TMEM67: variants seen among roughly 807,000 people sequenced by gnomAD.
The protein encoded by TMEM67 is transmembrane protein 67, also known as meckelin.
In TMEM67, 124 loss-of-function variants were observed where a neutral mutation model predicts 136.6. The ratio of observed to expected loss-of-function variants is 0.91; its 90% CI spans 0.78 to 1.05. TMEM67 has a LOEUF of 1.05. TMEM67 is among the 50% of genes least tolerant of loss of function. TMEM67 has a pLI of 0.00. For synonymous variants in TMEM67, 364 were observed against 390.5 expected, an observed-to-expected ratio of 0.93 and a Z score of 0.80; for missense variants, 1,107 against 1,178.4, an observed-to-expected ratio of 0.94 and a Z score of 0.89.
intron 10 of TMEM67, 121 bp from the exon 11 acceptor site, chr8:93,782,274 T>C: frequency 2.6e-6 from 2 of 756,522 alleles, no homozygotes; most frequent in Non-Finnish European, 4.5e-6. Context: ...TAACTTTTCA[T>C]ATCCTTGATA....
chr8:93,829,665 G>T, the TMEM67 span, among the ~76,000 whole-genome samples: 1 of 151,856 alleles, frequency 6.6e-6, no homozygotes, highest in African/African-American at 2.4e-5. Context: ...CTGAGAATTC[G>T]GGAGGCCCCA....
chr8:93,799,874 G>T, intron 21 of TMEM67, 116 bp downstream of exon 21: 1 of 846,530 alleles, frequency 1.2e-6, no homozygotes. Context: ...GCAGAAAGAA[G>T]GTGACAAGAA....
At chr8:93,826,205 T>C in the TMEM67 span, among the ~76,000 whole-genome samples, 5 of 136,300 alleles carry the variant, frequency 3.7e-5, no homozygotes, top group African/African-American at 1.1e-4. Flanking sequence ...TCTCGGCTCA[T>C]TGCAAGCTCC....
chr8:93,831,199 A>G, the TMEM67 span, among the ~76,000 whole-genome samples: 4 of 152,242 alleles, frequency 2.6e-5, no homozygotes, highest in African/African-American at 7.2e-5. Flanking sequence ...TGAGTGGACC[A>G]GGCCTTTCTT....
intron 26 of TMEM67, among the ~76,000 whole-genome samples, chr8:93,810,125 C>T (rs546153911): frequency 6.6e-5 from 10 of 150,732 alleles, no homozygotes; most frequent in East Asian, 2.0e-4. Context: ...CCCGCCATCA[C>T]GCCCAGCTAA....
chr8:93,781,856 A>T, intron 10 of TMEM67, 112 bp downstream of exon 10: 1 of 536,966 alleles, frequency 1.9e-6, no homozygotes, highest in Non-Finnish European at 3.2e-6. Flanking sequence ...ACTACAGTTG[A>T]TTTTTTTTCT....
chr8:93,763,096 A>AT (rs60721040), intron 3 of TMEM67: 1,017 of 218,584 alleles, frequency 4.7e-3, no homozygotes, highest in South Asian at 0.011. Context: ...CTAATTTTGT[A>AT]TTTTTTTTTT....
At chr8:93,756,155 A>T (rs1812563678) in intron 2 of TMEM67, 2 of 306,854 alleles carry the variant, frequency 6.5e-6, no homozygotes, top group African/African-American at 4.4e-5. Context: ...AGAAAATTAG[A>T]TGAATAAGGC....
intron 2 of TMEM67, among the ~76,000 whole-genome samples, chr8:93,757,423 G>A (rs1363116644): frequency 1.3e-5 from 2 of 151,866 alleles, no homozygotes; most frequent in African/African-American, 4.8e-5. Flanking sequence ...GGATCACGAG[G>A]TCAAGAGATC....
At chr8:93,827,579 C>CT in the TMEM67 span, among the ~76,000 whole-genome samples, 37,373 of 136,318 alleles carry the variant, frequency 0.27, 5,081 homozygotes, top group East Asian at 0.41. Flanking sequence ...TGTATTTTTT[C>CT]TTTTTTTTTT....
intron 3 of TMEM67, among the ~76,000 whole-genome samples, chr8:93,762,788 A>G (rs1812907494): frequency 6.6e-6 from 1 of 151,782 alleles, no homozygotes; most frequent in Non-Finnish European, 1.5e-5. Flanking sequence ...CTGTTTTATT[A>G]TAAGGATCTA....
intron 11 of TMEM67, among the ~76,000 whole-genome samples, chr8:93,783,334 A>T (rs1466881311): frequency 6.6e-6 from 1 of 152,244 alleles, no homozygotes; most frequent in Non-Finnish European, 1.5e-5. Context: ...TAAATTGTTT[A>T]TCTGCTTCTA....
chr8:93,778,165 A>G (rs1037187749), intron 7 of TMEM67, among the ~76,000 whole-genome samples: 16 of 152,190 alleles, frequency 1.1e-4, no homozygotes, highest in Admixed American at 2.0e-4. Context: ...ATCAGAGACT[A>G]GGATTGCAAT....
intron 4 of TMEM67, among the ~76,000 whole-genome samples, chr8:93,764,501 A>AACACAC (rs5893257): frequency 6.3e-4 from 95 of 149,978 alleles, no homozygotes; most frequent in African/African-American, 2.2e-3. Flanking sequence ...GTATTTGTGA[A>AACACAC]ACACACACAC....
chr8:93,760,197 T>C (rs531618792), intron 3 of TMEM67, among the ~76,000 whole-genome samples: 4 of 152,306 alleles, frequency 2.6e-5, no homozygotes, highest in East Asian at 3.9e-4. Flanking sequence ...AGGAAAGTTA[T>C]ATGAAAAGCT....
intron 2 of TMEM67, 82 bp from the exon 3 acceptor site, chr8:93,758,401 T>C (rs1285203568): frequency 2.9e-6 from 3 of 1,040,528 alleles, no homozygotes; most frequent in Non-Finnish European, 4.4e-6. Context: ...AGTTACATAC[T>C]CTTATGGCAT....
chr8:93,795,926 T>G lies in TMEM67; in HGVS notation c.1799T>G (p.Leu600Arg). 6.2e-7 allele frequency: 1 copy of G among 1,612,334 alleles called. No homozygotes were observed. Among genetic ancestry groups the G allele is most frequent in the Non-Finnish European group, 8.5e-7 (1 of 1,178,432 alleles). The change falls in exon 18 of 28, where the codon CTG becomes CGG. Residue 600 changes from leucine to arginine, a missense_variant. By Grantham distance (102) the Leu-to-Arg change is moderately radical. Around this residue, in one of 3 missense-constraint regions of TMEM67, gnomAD observed 925 missense variants for 1,002.4 expected, o/e 0.92. Coordinates refer to ENST00000453321, the MANE Select transcript of TMEM67 (RefSeq NM_153704.6). ...GCACAGAAGTCTGTGTCTGTTTTGC[T>G]GCCAATGCCAATTCAGGAAGAACGT... ...FKAQKSVSVL[L>R]PMPIQEERFV...
chr8:93,809,351 C>T (rs774789640), intron 25 of TMEM67, among the ~76,000 whole-genome samples, 190 bp downstream of exon 25: 34 of 152,050 alleles, frequency 2.2e-4, no homozygotes, highest in Admixed American at 8.5e-4. Flanking sequence ...CATTTCTAGC[C>T]ATTAACAAAC....
intron 6 of TMEM67, among the ~76,000 whole-genome samples, chr8:93,767,756 A>T: frequency 7.1e-6 from 1 of 141,200 alleles, no homozygotes; most frequent in South Asian, 2.2e-4. Context: ...TGTCCCCATC[A>T]TTCTTTGAAC....
Sources: gnomAD v4.1 joint callset for allele counts (sites outside exome capture counted in the v4.1 genomes callset) on GRCh38, gnomAD v4.1.1 for gene constraint, gnomAD v4.1.1 regional missense constraint, MANE v1.5 for transcripts, NCBI Gene and HGNC (gene_info 2026-07-23, HGNC 2026-07-21) for gene names.